Variants in ITGA1 observed in about 807,000 individuals in gnomAD.
ITGA1 encodes the protein integrin alpha-1.
ITGA1 carries 85 observed loss-of-function variants against 145.9 expected under a neutral mutation model. The observed-to-expected ratio is 0.58, with a 90% CI of 0.49 to 0.70. ITGA1 has a LOEUF of 0.70. Ranked by LOEUF, ITGA1 falls within the 30% of genes least tolerant of loss-of-function variation. ITGA1 has a pLI of 0.00. For missense variants in ITGA1, 1,351 were observed against 1,418.7 expected (o/e 0.95, Z 0.77); for synonymous variants, 520 against 495.3 (o/e 1.05, Z -0.66).
At chr5:52,799,464 A>G (rs1748409435) in intron 1 of ITGA1, among the ~76,000 whole-genome samples, 1 of 152,218 alleles carries the variant, frequency 6.6e-6, no homozygotes, top group Non-Finnish European at 1.5e-5. Context: ...TTTGGAGCCT[A>G]GGATTCCCAG....
Position 52,861,568 on chromosome 5 carries a change from A to C in ITGA1, c.295+9A>C, listed in dbSNP as rs1229792190. 1.3e-6 allele frequency: 2 copies of C among 1,574,930 alleles called. No individual in the cohort carries two copies. Among genetic ancestry groups the C allele is most frequent in the Non-Finnish European group, 1.7e-6 (2 of 1,145,128 alleles). On this transcript the variant is annotated intron_variant, in intron 3 of 28. Transcript: ENST00000282588. Reference sequence around the variant, plus strand: ...AAAGTTGGATCTACCAGGTATGTAAAATTAAAAAAATCTGGTTTTAGGCCA... The same window carrying C: ...AAAGTTGGATCTACCAGGTATGTAACATTAAAAAAATCTGGTTTTAGGCCA...
chr5:52,801,975 A>G (rs1748498248), intron 1 of ITGA1: 1 of 623,894 alleles, frequency 1.6e-6, no homozygotes, highest in African/African-American at 1.8e-5. Context: ...CTTTGGCTAC[A>G]CTAGATATTT....
At chr5:52,875,100 T>C (rs1178375774) in intron 6 of ITGA1, among the ~76,000 whole-genome samples, 3 of 152,206 alleles carry the variant, frequency 2.0e-5, no homozygotes, top group Non-Finnish European at 4.4e-5. Flanking sequence ...AAAACCTTAC[T>C]CTTTTGCACC....
chr5:52,847,344 T>C (rs1037861637), intron 1 of ITGA1, among the ~76,000 whole-genome samples: 3 of 152,182 alleles, frequency 2.0e-5, no homozygotes, highest in Non-Finnish European at 4.4e-5. Flanking sequence ...AAAGTATATT[T>C]ATGAAAAAAG....
At chr5:52,846,122 C>T (rs368249588) in intron 1 of ITGA1, among the ~76,000 whole-genome samples, 2 of 152,080 alleles carry the variant, frequency 1.3e-5, no homozygotes, top group South Asian at 2.1e-4. Context: ...CAATGGCGGC[C>T]GGGCGCAGTG....
At chr5:52,825,919 GAAAA>G in intron 1 of ITGA1, among the ~76,000 whole-genome samples, 1 of 124,570 alleles carries the variant, frequency 8.0e-6, no homozygotes, top group South Asian at 2.4e-4. Context: ...CTCTGTCAAA[GAAAA>G]AAAAAAAAAA....
chr5:52,802,236 A>G (rs1192621553), intron 1 of ITGA1: 1 of 157,220 alleles, frequency 6.4e-6, no homozygotes, highest in East Asian at 1.9e-4. Flanking sequence ...TCCTGTTTAC[A>G]TTATTTCTTT....
At chr5:52,922,199 G>A (rs1291411869) in intron 17 of ITGA1, among the ~76,000 whole-genome samples, 1 of 46,456 alleles carries the variant, frequency 2.2e-5, no homozygotes, top group Non-Finnish European at 6.7e-5. Flanking sequence ...TAGTCGGGAG[G>A]CTGAGGCAGG....
intron 27 of ITGA1, among the ~76,000 whole-genome samples, chr5:52,945,424 G>T (rs992430140): frequency 1.1e-4 from 17 of 152,082 alleles, no homozygotes; most frequent in Admixed American, 9.8e-4. Context: ...TATAAAAAGT[G>T]CCTTTATACT....
intron 1 of ITGA1, among the ~76,000 whole-genome samples, chr5:52,845,425 G>A (rs1749317847): frequency 6.6e-6 from 1 of 152,162 alleles, no homozygotes; most frequent in African/African-American, 2.4e-5. Flanking sequence ...GGGATCTCGT[G>A]GAAGCGTAGG....
At chr5:52,792,668 T>C (rs1411481321) in intron 1 of ITGA1, among the ~76,000 whole-genome samples, 1 of 152,180 alleles carries the variant, frequency 6.6e-6, no homozygotes, top group African/African-American at 2.4e-5. Context: ...CATCTTAACA[T>C]ATTTTAGTAG....
At chr5:52,858,714 T>G (rs1370517816) in intron 2 of ITGA1, among the ~76,000 whole-genome samples, 2 of 152,216 alleles carry the variant, frequency 1.3e-5, no homozygotes, top group Non-Finnish European at 2.9e-5. Flanking sequence ...TAATATAATT[T>G]GTTATATTCT....
chr5:52,858,702 A>T (rs1749554048), intron 2 of ITGA1, among the ~76,000 whole-genome samples: 1 of 152,198 alleles, frequency 6.6e-6, no homozygotes, highest in Admixed American at 6.5e-5. Flanking sequence ...TCGTAACCTC[A>T]TTAATATAAT....
intron 23 of ITGA1, among the ~76,000 whole-genome samples, chr5:52,935,591 C>A (rs1347724206): frequency 6.6e-6 from 1 of 152,162 alleles, no homozygotes; most frequent in East Asian, 1.9e-4. Context: ...ATATGAGGAT[C>A]TGCTTCCTGC....
Position 52,939,621 on chromosome 5 carries a change from A to T in ITGA1, c.3110A>T (p.Asp1037Val), listed in dbSNP as rs923334732. 3 of 1,613,042 alleles carry T rather than the reference A, an allele frequency of 1.9e-6. No individual in the cohort carries two copies. Among genetic ancestry groups the T allele is most frequent in the Non-Finnish European group, 2.5e-6 (3 of 1,179,196 alleles). The change falls in exon 25 of 29, where the codon GAT (aspartate) becomes GTT (valine). Residue 1037 changes from aspartate to valine, a missense_variant. Coordinates refer to ENST00000282588, the MANE Select transcript of ITGA1 (RefSeq NM_181501.2). ...NANCRPHIFE[D>V]PFSINSGKKM... Reference sequence around the variant, plus strand: ...AACTGCAGACCCCATATCTTTGAGGATCCTTTCAGTATCAACTCTGGAAAG... The same window carrying T: ...AACTGCAGACCCCATATCTTTGAGGTTCCTTTCAGTATCAACTCTGGAAAG...
intron 23 of ITGA1, 141 bp downstream of exon 23, chr5:52,934,137 T>C (rs1303795108): frequency 4.1e-6 from 1 of 243,294 alleles, no homozygotes; most frequent in Non-Finnish European, 8.1e-6. Context: ...ATTTCATAAA[T>C]ATAAATATAG....
intron 1 of ITGA1, among the ~76,000 whole-genome samples, chr5:52,846,736 T>C (rs1749344370): frequency 1.3e-5 from 2 of 152,218 alleles, no homozygotes; most frequent in African/African-American, 4.8e-5. Context: ...GACAAATCTC[T>C]TCATGATCTT....
chr5:52,913,694 T>C (rs1750601854), intron 14 of ITGA1, among the ~76,000 whole-genome samples: 2 of 152,190 alleles, frequency 1.3e-5, no homozygotes, highest in Non-Finnish European at 2.9e-5. Flanking sequence ...GCTTATATAA[T>C]TTGAAAAGAA....
intron 11 of ITGA1, 69 bp downstream of exon 11, chr5:52,898,452 T>A (rs1750265451): frequency 7.4e-7 from 1 of 1,350,026 alleles, no homozygotes; most frequent in African/African-American, 1.5e-5. Flanking sequence ...CATTATTTGC[T>A]TATGTTTCTA....
Sources: allele counts gnomAD v4.1 joint callset (sites outside exome capture counted in the v4.1 genomes callset), GRCh38; gene constraint gnomAD v4.1.1; transcripts MANE v1.5; gene names NCBI Gene and HGNC (gene_info 2026-07-23, HGNC 2026-07-21).